Variants in SPIN1 observed in about 807,000 individuals in gnomAD.
The protein encoded by SPIN1 is spindlin 1.
Under a neutral mutation model 26.0 loss-of-function variants are expected in SPIN1, and 3 were observed. The ratio of observed to expected loss-of-function variants is 0.12; its 90% CI spans 0.05 to 0.30. The LOEUF (loss-of-function observed/expected upper bound fraction) is 0.30. SPIN1 is among the 10% of genes least tolerant of loss of function. The probability of loss-of-function intolerance (pLI) is 1.00; values close to 1 mark genes in which losing one functional copy is unlikely to be tolerated. For synonymous variants in SPIN1, 101 were observed against 116.5 expected (o/e 0.87, Z 0.86); for missense variants, 126 against 333.4 (o/e 0.38, Z 4.84).
At chr9:88,410,236 CTA>C (rs1482219191) in intron 1 of SPIN1, among the ~76,000 whole-genome samples, 3 of 149,572 alleles carry the variant, frequency 2.0e-5, no homozygotes, top group African/African-American at 7.5e-5. Flanking sequence ...CATGATCAGA[CTA>C]TTACATTTAG....
At chr9:88,424,359 G>A (rs1471861322) in intron 1 of SPIN1, among the ~76,000 whole-genome samples, 1 of 152,096 alleles carries the variant, frequency 6.6e-6, no homozygotes, top group East Asian at 1.9e-4. Flanking sequence ...AATTTGAAGT[G>A]AAATTTTTGT....
At chr9:88,391,313 C>A in intron 1 of SPIN1, 1 of 153,632 alleles carries the variant, frequency 6.5e-6, no homozygotes, top group Admixed American at 6.5e-5. Context: ...CTTTCTCAAC[C>A]TAATACATAA....
At chr9:88,390,160 A>G (rs1826888119) in intron 1 of SPIN1, among the ~76,000 whole-genome samples, 3 of 152,218 alleles carry the variant, frequency 2.0e-5, no homozygotes, top group African/African-American at 4.8e-5. Context: ...CAAAAGGGCC[A>G]CTATATGTCT....
At chr9:88,451,723 G>A (rs1225440466) in intron 3 of SPIN1, among the ~76,000 whole-genome samples, 1 of 152,132 alleles carries the variant, frequency 6.6e-6, no homozygotes, top group Non-Finnish European at 1.5e-5. Flanking sequence ...AGCACGCCCA[G>A]CTAATTTTTG....
At chr9:88,423,807 C>G (rs187579609) in intron 1 of SPIN1, among the ~76,000 whole-genome samples, 1 of 151,344 alleles carries the variant, frequency 6.6e-6, no homozygotes, top group East Asian at 2.0e-4. Flanking sequence ...ACTCTGTCAT[C>G]CAGGCTGGAG....
At chr9:88,473,746 C>T (rs533799720) in intron 5 of SPIN1, among the ~76,000 whole-genome samples, 1 of 152,062 alleles carries the variant, frequency 6.6e-6, no homozygotes, top group Non-Finnish European at 1.5e-5. Context: ...GTCGCGTACC[C>T]GCTCTGATGG....
At chr9:88,423,034 T>C (rs1827701112) in intron 1 of SPIN1, among the ~76,000 whole-genome samples, 1 of 152,168 alleles carries the variant, frequency 6.6e-6, no homozygotes, top group Non-Finnish European at 1.5e-5. Context: ...ATCTGGAGTT[T>C]TGCGTTCTAA....
At chr9:88,412,404 C>G (rs1405007287) in intron 1 of SPIN1, among the ~76,000 whole-genome samples, 1 of 152,062 alleles carries the variant, frequency 6.6e-6, no homozygotes, top group Non-Finnish European at 1.5e-5. Context: ...GTTTAAATTA[C>G]CAGTCCATTG....
At chr9:88,461,106 C>T (rs1828570332) in intron 3 of SPIN1, among the ~76,000 whole-genome samples, 1 of 152,148 alleles carries the variant, frequency 6.6e-6, no homozygotes, top group South Asian at 2.1e-4. Flanking sequence ...AGCTTAAGAC[C>T]TCTCTGGGTA....
chr9:88,461,241 A>C (rs1828572220), intron 3 of SPIN1, among the ~76,000 whole-genome samples: 1 of 152,048 alleles, frequency 6.6e-6, no homozygotes, highest in Admixed American at 6.6e-5. Context: ...GTCTTTCTGG[A>C]AGGAAGGTTT....
chr9:88,441,045 T>G (rs1828113895), intron 2 of SPIN1, among the ~76,000 whole-genome samples: 1 of 151,816 alleles, frequency 6.6e-6, no homozygotes, highest in African/African-American at 2.4e-5. Context: ...TATCCGTGGG[T>G]TTTACATCTG....
At chr9:88,414,048 A>G (rs893145393) in intron 1 of SPIN1, among the ~76,000 whole-genome samples, 2 of 151,952 alleles carry the variant, frequency 1.3e-5, no homozygotes, top group African/African-American at 2.4e-5. Context: ...AAAAAATACA[A>G]ATTAGGACCA....
Position 88,470,590 on chromosome 9 carries a change from TG to T in SPIN1, c.589+1987del, listed in dbSNP as rs551118610. On this transcript the variant is annotated intron_variant, in intron 5 of 5. Transcript: ENST00000375859. ...TGTTAAGCATCTTTCATATGCTTAT[TG>T]GCCCCCCCCCTTTTTTTTTTTGAGA... Among the ~76,000 whole-genome samples, 1,121 of 134,182 alleles carry T rather than the reference TG, an allele frequency of 8.4e-3. 14 individuals carry two copies. The highest frequency in any genetic ancestry group is 0.04 in the African/African-American group (1,032 of 25,588). The allele number at this position is 134,182 out of a possible 152,430, so 88.0% of individuals were successfully genotyped here. A position where few individuals can be genotyped will look rare whatever the true frequency, so the allele number is the denominator to read the frequency against.
rs1464788634 is a variant in SPIN1, at chr9:88,468,362, TA to T, written c.356-8del. The T allele has an allele frequency of 1.3e-5, 19 of 1,466,646 alleles. No homozygotes were observed. The highest frequency in any genetic ancestry group is 1.6e-5 in the Non-Finnish European group (18 of 1,098,088). 90.9% of individuals were successfully genotyped at this position (1,466,646 alleles called of 1,614,324 possible). ...TTTGTCAACTTTTTTTTTTTTTTTT[TA>T]ATCCCCAGCGACATCTCGAATCAGC... On this transcript the variant is annotated splice_polypyrimidine_tract_variant and intron_variant, in intron 4 of 5. Coordinates refer to ENST00000375859, the MANE Select transcript of SPIN1 (RefSeq NM_006717.3).
rs1182448906 is a variant in SPIN1 at position 88,470,434 on chromosome 9, G to C, written c.589+1829G>C. 2.0e-5 allele frequency among the ~76,000 whole-genome samples: 3 copies of C among 152,156 alleles called. No homozygotes were observed. The East Asian group carries it at 5.8e-4, about 29-fold the overall frequency. ...GAAATACCACTTTACATTTCCAACA[G>C]CAGTGTATGAGACTTCTGATTTCTC... On this transcript the variant is annotated intron_variant, in intron 5 of 5. Coordinates refer to ENST00000375859, the MANE Select transcript of SPIN1 (RefSeq NM_006717.3).
intron 1 of SPIN1, among the ~76,000 whole-genome samples, chr9:88,417,182 CTA>C (rs1827583804): frequency 4.6e-5 from 7 of 152,072 alleles, no homozygotes; most frequent in Admixed American, 4.6e-4. Flanking sequence ...TAGATTTTAG[CTA>C]TATGTTTTTT....
intron 3 of SPIN1, among the ~76,000 whole-genome samples, chr9:88,455,284 A>G (rs930972041): frequency 7.2e-5 from 11 of 152,060 alleles, no homozygotes; most frequent in African/African-American, 2.7e-4. Context: ...GATCAACATG[A>G]TATCTCCACT....
At chr9:88,458,319 T>G (rs1295860247) in intron 3 of SPIN1, among the ~76,000 whole-genome samples, 1 of 151,828 alleles carries the variant, frequency 6.6e-6, no homozygotes, top group Non-Finnish European at 1.5e-5. Flanking sequence ...TAACTCTTAA[T>G]AAGAAGATGA....
In SPIN1 at chr9:88,402,538, T is replaced by C. The variant is rs1350686986; in HGVS notation, c.-159+14000T>C. ...TTTTTTTTTTTTTTTATAGCTCCCA[T>C]GTATTTGTTAGAACATGTGTTATTT... is the stretch of plus-strand genomic sequence containing the variant. On this transcript the variant is annotated intron_variant, in intron 1 of 5. Coordinates refer to ENST00000375859, the MANE Select transcript of SPIN1 (RefSeq NM_006717.3). 4.0e-5 allele frequency among the ~76,000 whole-genome samples: 6 copies of C among 150,622 alleles called. No homozygotes were observed. In the East Asian group the frequency reaches 1.2e-3, roughly 29 times the overall value.
Sources: allele counts gnomAD v4.1 joint callset (sites outside exome capture counted in the v4.1 genomes callset), GRCh38; gene constraint gnomAD v4.1.1; transcripts MANE v1.5; gene names NCBI Gene and HGNC (gene_info 2026-07-23, HGNC 2026-07-21).